Variants in H2AC7 observed in about 807,000 individuals in gnomAD.
H2AC7 encodes histone H2A type 1-D.
H2AC7 carries 15 observed loss-of-function variants against 8.3 expected under a neutral mutation model. The observed-to-expected ratio is 1.81, with a 90% confidence interval of 1.21 to 2.79. The LOEUF (loss-of-function observed/expected upper bound fraction) is 2.79. Ranked by LOEUF, H2AC7 falls within the 30% of genes most tolerant of loss-of-function variation. H2AC7 has a pLI of 0.00. For missense variants in H2AC7, 283 were observed against 175.2 expected, an observed-to-expected ratio of 1.62 and a Z score of -3.47; for synonymous variants, 168 against 80.1, an observed-to-expected ratio of 2.10 and a Z score of -5.86.
Position 26,199,046 on chromosome 6 carries a change from C to T in H2AC7, c.198G>A (p.Leu66=). The T allele has an allele frequency of 6.2e-7, 1 of 1,614,220 alleles. No individual in the cohort carries two copies. The highest frequency in any genetic ancestry group is 8.5e-7 in the Non-Finnish European group (1 of 1,180,038). ...LEYLTAEILE[L]AGNAARDNKK... is the part of the protein sequence containing the mutation. ...TGTTGTCGCGGGCGGCGTTGCCCGC[C>T]AGCTCCAGGATCTCGGCGGTCAGGT... Residue 66 remains leucine, a synonymous_variant, in exon 1 of 1, where the codon CTG becomes CTA. Coordinates refer to ENST00000341023, the MANE Select transcript of H2AC7 (RefSeq NM_021065.3).
chr6:26,199,033 C>G lies in H2AC7; in HGVS notation c.211G>C (p.Ala71Pro), dbSNP rs1367372191. ...AEILELAGNA[A>P]RDNKKTRIIP... The stretch of plus-strand genomic sequence containing the variant: ...ATGCGGGTCTTCTTGTTGTCGCGGG[C>G]GGCGTTGCCCGCCAGCTCCAGGATC... Residue 71 changes from alanine to proline, a missense_variant, in exon 1 of 1, where the codon GCC becomes CCC. By Grantham distance (27) the Ala-to-Pro change is conservative. Transcript: ENST00000341023. 8 of 1,614,022 alleles carry G rather than the reference C, an allele frequency of 5.0e-6. No homozygotes were observed. Among genetic ancestry groups the G allele is most frequent in the Admixed American group, 1.7e-5 (1 of 60,010 alleles).
rs1765048965 is a variant in H2AC7, at chr6:26,198,803, C to A, written c.*48G>T. The A allele has an allele frequency of 1.3e-6, 2 of 1,580,208 alleles. No homozygotes were observed. The highest frequency in any genetic ancestry group is 1.7e-6 in the Non-Finnish European group (2 of 1,163,712). On this transcript the variant is annotated 3_prime_UTR_variant, in exon 1 of 1. Coordinates refer to ENST00000341023, the MANE Select transcript of H2AC7 (RefSeq NM_021065.3). ...AATACATGGGTGGCTCTGAAAAGAG[C>A]CTTTGTTAAGACTGCTTCCTTAAAA...
Position 26,199,151 on chromosome 6 carries a change from T to C in H2AC7, c.93A>G (p.Val31=). The C allele has an allele frequency of 6.2e-7, 1 of 1,614,134 alleles. No individual in the cohort carries two copies. The highest frequency in any genetic ancestry group is 1.1e-5 in the South Asian group (1 of 91,082). Residue 31 remains valine, a synonymous_variant, in exon 1 of 1, where the codon GTA becomes GTG. Coordinates refer to ENST00000341023, the MANE Select transcript of H2AC7 (RefSeq NM_021065.3). ...AGTTGCCCTTGCGGAGCAAGCGGTGTACGCGGCCCACAGGGAACTGGAGTC... is the reference window on the plus strand; with the variant it reads ...AGTTGCCCTTGCGGAGCAAGCGGTGCACGCGGCCCACAGGGAACTGGAGTC... ...RAGLQFPVGR[V]HRLLRKGNYS... is the part of the protein sequence containing the mutation.
At position 26,198,980 on chromosome 6, in the gene H2AC7, G is replaced by A. The variant is rs756161227; in HGVS notation, c.264C>T (p.Ile88=). 2 of 1,614,220 alleles carry A rather than the reference G, an allele frequency of 1.2e-6. No homozygotes were observed. Among genetic ancestry groups the A allele is most frequent in the Non-Finnish European group, 1.7e-6 (2 of 1,180,042 alleles). Residue 88 remains isoleucine (I), a synonymous_variant, in exon 1 of 1, where the codon ATC becomes ATT. Coordinates refer to ENST00000341023, the MANE Select transcript of H2AC7 (RefSeq NM_021065.3). ...ACTTGTTTAGCTCCTCGTCGTTGCG[G>A]ATGGCCAGCTGCAGGTGTCGGGGGA... ...RIIPRHLQLA[I]RNDEELNKLL...
chr6:26,199,101 G>A lies in H2AC7; in HGVS notation c.143C>T (p.Ala48Val), dbSNP rs1765062683. 1 of 1,614,176 alleles carries A rather than the reference G, an allele frequency of 6.2e-7. No individual in the cohort carries two copies. The highest frequency in any genetic ancestry group is 1.3e-5 in the African/African-American group (1 of 75,062). The change falls in exon 1 of 1, where the codon GCG becomes GTG. Residue 48 changes from alanine (A) to valine (V), a missense_variant. Transcript: ENST00000341023. ...GNYSERVGAGAPVYLAAVLEY... is the reference protein window; with the variant it reads ...GNYSERVGAGVPVYLAAVLEY... ...CAACACCGCCGCCAGATACACTGGC[G>A]CGCCGGCCCCGACTCGCTCGGAGTA...
chr6:26,199,285 T>A lies in H2AC7; in HGVS notation c.-42A>T, dbSNP rs768909150. On this transcript the variant is annotated 5_prime_UTR_variant, in exon 1 of 1. Transcript: ENST00000341023. ...CGATGTTAAGCAATGAAGACAAAAA[T>A]GTAAAAGTGAATTTTGTTAGCAAGT... 18 of 1,571,166 alleles carry A rather than the reference T, an allele frequency of 1.1e-5. No individual in the cohort carries two copies. Among genetic ancestry groups the A allele is most frequent in the Non-Finnish European group, 1.5e-5 (17 of 1,165,328 alleles).
rs780472934 is a variant in H2AC7, at chr6:26,198,913, T to G, written c.331A>C (p.Asn111His). 6.2e-7 allele frequency: 1 copy of G among 1,614,232 alleles called. No individual in the cohort carries two copies. The highest frequency in any genetic ancestry group is 8.5e-7 in the Non-Finnish European group (1 of 1,180,030). Residue 111 changes from asparagine to histidine, a missense_variant, in exon 1 of 1, where the codon AAC (asparagine) becomes CAC (histidine). By Grantham distance (68) the Asn-to-His change is moderately conservative (BLOSUM62 1). Transcript: ENST00000341023. Reference protein sequence around the residue: ...VTIAQGGVLPNIQAVLLPKKT... With the variant: ...VTIAQGGVLPHIQAVLLPKKT... ...TTGGGGAGCAGTACAGCCTGGATGTTGGGCAGAACACCGCCCTGAGCAATT... is the reference window on the plus strand; with the variant it reads ...TTGGGGAGCAGTACAGCCTGGATGTGGGGCAGAACACCGCCCTGAGCAATT...
chr6:26,199,008 A>T lies in H2AC7; in HGVS notation c.236T>A (p.Ile79Asn), dbSNP rs1276940826. Residue 79 changes from isoleucine to asparagine, a missense_variant, in exon 1 of 1, where the codon ATC (isoleucine) becomes AAC (asparagine). Physicochemically the swap from Ile to Asn is moderately radical, Grantham distance 149 (BLOSUM62 -3). Transcript: ENST00000341023. ...NAARDNKKTR[I>N]IPRHLQLAIR... ...GGCCAGCTGCAGGTGTCGGGGGATG[A>T]TGCGGGTCTTCTTGTTGTCGCGGGC... 1.9e-6 allele frequency: 3 copies of T among 1,613,766 alleles called. No individual in the cohort carries two copies. Among genetic ancestry groups the T allele is most frequent in the African/African-American group, 2.7e-5 (2 of 74,802 alleles).
At position 26,199,287 on chromosome 6, in the gene H2AC7, TA is replaced by T. The variant is rs779963560; in HGVS notation, c.-45del. 37 of 1,569,210 alleles carry T rather than the reference TA, an allele frequency of 2.4e-5. No homozygotes were observed. In the African/African-American group the frequency reaches 4.8e-4, roughly 21 times the overall value. ...ATGTTAAGCAATGAAGACAAAAATG[TA>T]AAAGTGAATTTTGTTAGCAAGTGAG... On this transcript the variant is annotated 5_prime_UTR_variant, in exon 1 of 1. Coordinates refer to ENST00000341023, the MANE Select transcript of H2AC7 (RefSeq NM_021065.3).
chr6:26,199,167 A>G lies in H2AC7; in HGVS notation c.77T>C (p.Phe26Ser). The G allele has an allele frequency of 6.2e-7, 1 of 1,614,124 alleles. No individual in the cohort carries two copies. Among genetic ancestry groups the G allele is most frequent in the South Asian group, 1.1e-5 (1 of 91,080 alleles). ...CAAGCGGTGTACGCGGCCCACAGGG[A>G]ACTGGAGTCCGGCCCGCGAAGAGCG... ...KTRSSRAGLQ[F>S]PVGRVHRLLR... Residue 26 changes from phenylalanine to serine, a missense_variant, in exon 1 of 1, where the codon TTC becomes TCC. Phe to Ser is a radical substitution (Grantham distance 155). Transcript: ENST00000341023.
chr6:26,199,118 C>G lies in H2AC7; in HGVS notation c.126G>C (p.Glu42Asp). 1 of 1,614,214 alleles carries G rather than the reference C, an allele frequency of 6.2e-7. No individual in the cohort carries two copies. The highest frequency in any genetic ancestry group is 8.5e-7 in the Non-Finnish European group (1 of 1,180,028). ...HRLLRKGNYS[E>D]RVGAGAPVYL... is the part of the protein sequence containing the mutation. ...ACACTGGCGCGCCGGCCCCGACTCG[C>G]TCGGAGTAGTTGCCCTTGCGGAGCA... Residue 42 changes from glutamate to aspartate, a missense_variant, in exon 1 of 1, where the codon GAG becomes GAC. Glu to Asp is a conservative substitution (Grantham distance 45). Coordinates refer to ENST00000341023, the MANE Select transcript of H2AC7 (RefSeq NM_021065.3).
Position 26,199,203 on chromosome 6 carries a change from T to G in H2AC7, c.41A>C (p.Lys14Thr). ...GGCCCGCGAAGAGCGGGTCTTAGCC[T>G]TAGCTCGGGCCTTTCCGCCTTGCTT... ...RGKQGGKARA[K>T]AKTRSSRAGL... Residue 14 changes from lysine (K) to threonine (T), a missense_variant, in exon 1 of 1, where the codon AAG becomes ACG. Transcript: ENST00000341023. The G allele has an allele frequency of 6.2e-7, 1 of 1,612,414 alleles. No homozygotes were observed. Among genetic ancestry groups the G allele is most frequent in the East Asian group, 2.2e-5 (1 of 44,870 alleles).
At position 26,199,231 on chromosome 6, in the gene H2AC7, C is replaced by G. The variant is rs1300586710; in HGVS notation, c.13G>C (p.Gly5Arg). 6.3e-7 allele frequency: 1 copy of G among 1,596,344 alleles called. No homozygotes were observed. The highest frequency in any genetic ancestry group is 1.1e-5 in the South Asian group (1 of 87,558). The change falls in exon 1 of 1, where the codon GGC (glycine) becomes CGC (arginine). Residue 5 changes from glycine (G) to arginine (R), a missense_variant. Transcript: ENST00000341023. ...GCTCGGGCCTTTCCGCCTTGCTTGC[C>G]GCGTCCGGACATTTTGAATTCTTAA... The part of the protein sequence containing the change: MSGR[G>R]KQGGKARAKA...
chr6:26,199,063 C>T lies in H2AC7; in HGVS notation c.181G>A (p.Ala61Thr). 2 of 1,614,168 alleles carry T rather than the reference C, an allele frequency of 1.2e-6. No individual in the cohort carries two copies. Residue 61 changes from alanine to threonine, a missense_variant, in exon 1 of 1, where the codon GCC becomes ACC. Physicochemically the swap from Ala to Thr is moderately conservative, Grantham distance 58. Transcript: ENST00000341023. ...YLAAVLEYLTAEILELAGNAA... is the reference protein window; with the variant it reads ...YLAAVLEYLTTEILELAGNAA... Reference sequence around the variant, plus strand: ...TTGCCCGCCAGCTCCAGGATCTCGGCGGTCAGGTACTCCAACACCGCCGCC... The same window carrying T: ...TTGCCCGCCAGCTCCAGGATCTCGGTGGTCAGGTACTCCAACACCGCCGCC...
In H2AC7 at chr6:26,198,932, A is replaced by G. The variant is rs760217565; in HGVS notation, c.312T>C (p.Ala104=). The change falls in exon 1 of 1, where the codon GCT becomes GCC. Residue 104 remains alanine (A), a synonymous_variant. Coordinates refer to ENST00000341023, the MANE Select transcript of H2AC7 (RefSeq NM_021065.3). The stretch of plus-strand genomic sequence containing the variant: ...GGATGTTGGGCAGAACACCGCCCTG[A>G]GCAATTGTGACTTTACCCAGCAACT... The part of the protein sequence containing the change: ...LNKLLGKVTI[A]QGGVLPNIQA... 1 of 1,614,168 alleles carries G rather than the reference A, an allele frequency of 6.2e-7. No individual in the cohort carries two copies. Among genetic ancestry groups the G allele is most frequent in the Non-Finnish European group, 8.5e-7 (1 of 1,180,022 alleles).
In H2AC7 at chr6:26,199,200, G is replaced by T; in HGVS notation, c.44C>A (p.Ala15Asp). 6.2e-7 allele frequency: 1 copy of T among 1,612,756 alleles called. No homozygotes were observed. Among genetic ancestry groups the T allele is most frequent in the Non-Finnish European group, 8.5e-7 (1 of 1,179,630 alleles). ...GKQGGKARAK[A>D]KTRSSRAGLQ... Reference sequence around the variant, plus strand: ...TCCGGCCCGCGAAGAGCGGGTCTTAGCCTTAGCTCGGGCCTTTCCGCCTTG... The same window carrying T: ...TCCGGCCCGCGAAGAGCGGGTCTTATCCTTAGCTCGGGCCTTTCCGCCTTG... Residue 15 changes from alanine to aspartate, a missense_variant, in exon 1 of 1, where the codon GCT (alanine) becomes GAT (aspartate). By Grantham distance (126) the Ala-to-Asp change is moderately radical. Transcript: ENST00000341023.
chr6:26,199,290 A>T lies in H2AC7; in HGVS notation c.-47T>A, dbSNP rs1264663720. ...TTAAGCAATGAAGACAAAAATGTAAAAGTGAATTTTGTTAGCAAGTGAGAA... is the reference window on the plus strand; with the variant it reads ...TTAAGCAATGAAGACAAAAATGTAATAGTGAATTTTGTTAGCAAGTGAGAA... On this transcript the variant is annotated 5_prime_UTR_variant, in exon 1 of 1. Coordinates refer to ENST00000341023, the MANE Select transcript of H2AC7 (RefSeq NM_021065.3). The T allele has an allele frequency of 4.5e-6, 7 of 1,567,044 alleles. No homozygotes were observed. Among genetic ancestry groups the T allele is most frequent in the Non-Finnish European group, 5.2e-6 (6 of 1,162,446 alleles).
Position 26,198,860 on chromosome 6 carries a change from C to T in H2AC7, c.384G>A (p.Lys128=), listed in dbSNP as rs1271788376. Residue 128 remains lysine (K), a synonymous_variant, in exon 1 of 1, where the codon AAG becomes AAA. Coordinates refer to ENST00000341023, the MANE Select transcript of H2AC7 (RefSeq NM_021065.3). ...PKKTESHHKA[K]GK ...TATAAGAGTTCTCGTTTTACTTGCC[C>T]TTGGCCTTGTGGTGACTCTCAGTCT... is the stretch of plus-strand genomic sequence containing the variant. 2 of 1,613,442 alleles carry T rather than the reference C, an allele frequency of 1.2e-6. No individual in the cohort carries two copies. Among genetic ancestry groups the T allele is most frequent in the South Asian group, 1.1e-5 (1 of 90,960 alleles).
chr6:26,199,276 A>G lies in H2AC7; in HGVS notation c.-33T>C. ...TCTTAAAAACGATGTTAAGCAATGA[A>G]GACAAAAATGTAAAAGTGAATTTTG... is the stretch of plus-strand genomic sequence containing the variant. On this transcript the variant is annotated 5_prime_UTR_variant, in exon 1 of 1. Transcript: ENST00000341023. The G allele has an allele frequency of 6.3e-7, 1 of 1,578,832 alleles. No individual in the cohort carries two copies. Among genetic ancestry groups the G allele is most frequent in the Non-Finnish European group, 8.5e-7 (1 of 1,170,014 alleles).
Sources: allele counts gnomAD v4.1 joint callset, GRCh38; gene constraint gnomAD v4.1.1; transcripts MANE v1.5; gene names NCBI Gene and HGNC (gene_info 2026-07-23, HGNC 2026-07-21).